PCDHA3: variants seen among roughly 807,000 people sequenced by gnomAD.
The protein encoded by PCDHA3 is protocadherin alpha-3.
Under a neutral mutation model 62.2 loss-of-function variants are expected in PCDHA3, and 41 were observed. The ratio of observed to expected loss-of-function variants is 0.66; its 90% CI spans 0.51 to 0.86. PCDHA3 has a LOEUF of 0.86. Ranked by LOEUF, PCDHA3 falls within the 40% of genes least tolerant of loss-of-function variation. The pLI is 0.00. For synonymous variants in PCDHA3, 640 were observed against 555.4 expected, an observed-to-expected ratio of 1.15 and a Z score of -2.14; for missense variants, 1,304 against 1,241.2, an observed-to-expected ratio of 1.05 and a Z score of -0.76.
chr5:140,863,288 A>G, intron 1 of PCDHA3: 1 of 1,462,142 alleles, frequency 6.8e-7, no homozygotes, highest in South Asian at 1.1e-5. Context: ...GTCAACGTGT[A>G]CCTGATCATC....
At chr5:140,889,331 T>A (rs2153427061) in intron 1 of PCDHA3, among the ~76,000 whole-genome samples, 1 of 152,216 alleles carries the variant, frequency 6.6e-6, no homozygotes, top group Middle Eastern at 3.4e-3. Flanking sequence ...ATCAGGATTT[T>A]GATTGGTGGG....
chr5:140,807,618 A>G (rs1177804428), intron 1 of PCDHA3: 1 of 1,614,184 alleles, frequency 6.2e-7, no homozygotes, highest in Admixed American at 1.7e-5. Context: ...TCCATCGCGG[A>G]ATCCAGGCCG....
In PCDHA3 at chr5:140,857,002, T is replaced by G. The variant is rs1215860604; in HGVS notation, c.2394+53411T>G. On this transcript the variant is annotated intron_variant, in intron 1 of 3. Transcript: ENST00000522353. ...AGGACAGTAACACTTATGAAATTCATGTAGATGTTACAGATAAGGGAAACC... is the reference window on the plus strand; with the variant it reads ...AGGACAGTAACACTTATGAAATTCAGGTAGATGTTACAGATAAGGGAAACC... 4 of 1,595,276 alleles carry G rather than the reference T, an allele frequency of 2.5e-6. No individual in the cohort carries two copies. In the African/African-American group the frequency reaches 5.4e-5, roughly 22 times the overall value.
intron 1 of PCDHA3, chr5:140,882,487 C>G: frequency 6.2e-7 from 1 of 1,614,054 alleles, no homozygotes; most frequent in Non-Finnish European, 8.5e-7. Flanking sequence ...GACACGGGGA[C>G]CTTCTGGAGG....
chr5:140,996,372 G>A (rs898606404), intron 3 of PCDHA3, among the ~76,000 whole-genome samples: 1 of 152,180 alleles, frequency 6.6e-6, no homozygotes, highest in Non-Finnish European at 1.5e-5. Context: ...TTTTGTTGTC[G>A]GCTGAAATAA....
Position 140,823,178 on chromosome 5 carries a change from C to T in PCDHA3, c.2394+19587C>T, listed in dbSNP as rs2150123188. On this transcript the variant is annotated intron_variant, in intron 1 of 3. Transcript: ENST00000522353. ...ACCGTGTTCGTGAAGGAGAACAACC[C>T]GCCAGGCTGCCACATCTTCACGGTG... 4.3e-6 allele frequency: 7 copies of T among 1,613,746 alleles called. No homozygotes were observed. The East Asian group carries it at 8.9e-5, about 21-fold the overall frequency.
At position 140,966,988 on chromosome 5, in the gene PCDHA3, G is replaced by C. The variant is rs782004679; in HGVS notation, c.2395-11961G>C. 1.2e-5 allele frequency: 20 copies of C among 1,603,962 alleles called. No homozygotes were observed. The African/African-American group carries it at 2.1e-4, about 17-fold the overall frequency. Reference sequence around the variant, plus strand: ...GGCTTGAGCTGCGGCGCTTGGGGCCGGGTTGCTTGCGCATCAACCATCTGG... The same window carrying C: ...GGCTTGAGCTGCGGCGCTTGGGGCCCGGTTGCTTGCGCATCAACCATCTGG... On this transcript the variant is annotated intron_variant, in intron 1 of 3. Transcript: ENST00000522353.
intron 1 of PCDHA3, among the ~76,000 whole-genome samples, chr5:140,954,414 G>A (rs1322356989): frequency 1.3e-5 from 2 of 152,010 alleles, no homozygotes; most frequent in Non-Finnish European, 2.9e-5. Flanking sequence ...GGGTAAAGGT[G>A]TTCCTTTTTC....
At chr5:140,935,633 C>T (rs1316098876) in intron 1 of PCDHA3, among the ~76,000 whole-genome samples, 4 of 152,046 alleles carry the variant, frequency 2.6e-5, no homozygotes, top group African/African-American at 7.2e-5. Context: ...AAATTTAGGG[C>T]TTGCTTTTTA....
In PCDHA3 at chr5:140,869,025, C is replaced by A. The variant is rs1424812323; in HGVS notation, c.2394+65434C>A. 7 of 1,525,592 alleles carry A rather than the reference C, an allele frequency of 4.6e-6. No homozygotes were observed. In the East Asian group the frequency reaches 1.4e-4, roughly 30 times the overall value. The allele number at this position is 1,525,592 out of a possible 1,614,324, so 94.5% of individuals were successfully genotyped here. ...CCTTTGAAACTTCTTAAGAATTCAA[C>A]GAGATTTTTAACCTGAAACTGAAGA... On this transcript the variant is annotated intron_variant, in intron 1 of 3. Transcript: ENST00000522353.
chr5:140,877,440 G>A (rs372613448), intron 1 of PCDHA3: 9 of 1,613,710 alleles, frequency 5.6e-6, no homozygotes, highest in Non-Finnish European at 5.9e-6. Context: ...ACCACGGTGA[G>A]CCCGCGCTGA....
rs564683374 is a variant in PCDHA3 at position 140,850,519 on chromosome 5, C to A, written c.2394+46928C>A. 1.1e-5 allele frequency: 17 copies of A among 1,598,126 alleles called. 1 individual carries two copies. Among genetic ancestry groups the A allele is most frequent in the Admixed American group, 1.7e-5 (1 of 59,294 alleles). On this transcript the variant is annotated intron_variant, in intron 1 of 3. Coordinates refer to ENST00000522353, the MANE Select transcript of PCDHA3 (RefSeq NM_018906.3). ...GTGTCGCTGGTGGAGAGCGGCCAGG[C>A]GCCAAAGTCATCGTCGCGGGCGTCA...
At chr5:140,848,505 T>C in intron 1 of PCDHA3, 1 of 1,587,952 alleles carries the variant, frequency 6.3e-7, no homozygotes, top group Non-Finnish European at 8.6e-7. Flanking sequence ...AATGTTATAC[T>C]CAAGTCGAGG....
chr5:140,830,001 T>C, intron 1 of PCDHA3: 1 of 1,613,958 alleles, frequency 6.2e-7, no homozygotes, highest in South Asian at 1.1e-5. Flanking sequence ...ACTCGTGTCC[T>C]GGACGAAGCG....
intron 1 of PCDHA3, chr5:140,807,985 C>T (rs782010468): frequency 1.9e-6 from 3 of 1,613,554 alleles, no homozygotes; most frequent in East Asian, 4.5e-5. Context: ...AACTTAACGC[C>T]TCAGATTTAG....
chr5:140,850,166 C>G (rs1248475012), intron 1 of PCDHA3: 1 of 1,594,750 alleles, frequency 6.3e-7, no homozygotes, highest in Non-Finnish European at 8.6e-7. Context: ...TCGTGCTGGA[C>G]GAGAACGACA....
At position 140,857,921 on chromosome 5, in the gene PCDHA3, C is replaced by A. The variant is rs1554150855; in HGVS notation, c.2394+54330C>A. On this transcript the variant is annotated intron_variant, in intron 1 of 3. Coordinates refer to ENST00000522353, the MANE Select transcript of PCDHA3 (RefSeq NM_018906.3). ...TGCACGCATCCCGTTTCGCGTGGGG[C>A]TGTACACGGGCGAGATCAGTACGAC... 4 of 1,597,628 alleles carry A rather than the reference C, an allele frequency of 2.5e-6. No homozygotes were observed. The Admixed American group carries it at 6.7e-5, about 27-fold the overall frequency.
At chr5:140,828,114 G>C in intron 1 of PCDHA3, 1 of 1,612,228 alleles carries the variant, frequency 6.2e-7, no homozygotes, top group African/African-American at 1.3e-5. Flanking sequence ...CCGGAGGATA[G>C]ATTGGGAAAG....
At chr5:140,966,751 G>A (rs1554228608) in intron 1 of PCDHA3, 1 of 1,429,674 alleles carries the variant, frequency 7.0e-7, no homozygotes, top group Admixed American at 2.7e-5. Flanking sequence ...GGCTGCCTCC[G>A]CCGCGGCCAG....
Sources: allele counts gnomAD v4.1 joint callset (sites outside exome capture counted in the v4.1 genomes callset), GRCh38; gene constraint gnomAD v4.1.1; transcripts MANE v1.5; gene names NCBI Gene and HGNC (gene_info 2026-07-23, HGNC 2026-07-21).